MAGI1: variants seen among roughly 807,000 people sequenced by gnomAD.
The protein encoded by MAGI1 is membrane-associated guanylate kinase, WW and PDZ domain-containing protein 1.
Under a neutral mutation model 139.9 loss-of-function variants are expected in MAGI1, and 58 were observed. The ratio of observed to expected loss-of-function variants is 0.41; its 90% CI spans 0.34 to 0.52. The LOEUF (loss-of-function observed/expected upper bound fraction) is 0.52. MAGI1 is among the 20% of genes least tolerant of loss of function. The probability of loss-of-function intolerance (pLI) is 0.12; values close to 1 mark genes in which losing one functional copy is unlikely to be tolerated. For missense variants in MAGI1, 1,874 were observed against 1,901.6 expected, an observed-to-expected ratio of 0.99 and a Z score of 0.27; for synonymous variants, 812 against 737.9, an observed-to-expected ratio of 1.10 and a Z score of -1.63.
chr3:65,843,166 T>C (rs921475770), intron 1 of MAGI1, among the ~76,000 whole-genome samples: 2 of 152,188 alleles, frequency 1.3e-5, no homozygotes, highest in African/African-American at 4.8e-5. Flanking sequence ...GATAATGTTA[T>C]AAAAAGATTG....
At chr3:65,710,644 T>G (rs1176456124) in intron 1 of MAGI1, among the ~76,000 whole-genome samples, 1 of 152,166 alleles carries the variant, frequency 6.6e-6, no homozygotes, top group Non-Finnish European at 1.5e-5. Context: ...CTCTTGAAGC[T>G]CATATACCCT....
intron 1 of MAGI1, among the ~76,000 whole-genome samples, chr3:65,951,638 T>G (rs1041004828): frequency 5.9e-5 from 9 of 152,214 alleles, no homozygotes; most frequent in African/African-American, 1.7e-4. Context: ...TTACTCTTTT[T>G]AAAGTAGCTA....
At chr3:65,834,870 G>A (rs1476259487) in intron 1 of MAGI1, among the ~76,000 whole-genome samples, 2 of 152,162 alleles carry the variant, frequency 1.3e-5, no homozygotes, top group Non-Finnish European at 2.9e-5. Context: ...TTGCTATGAA[G>A]TCTACTTTAT....
rs1205887042 is a variant in MAGI1 at position 65,399,200 on chromosome 3, T to C, written c.2199+2239A>G. Among the ~76,000 whole-genome samples, 3 of 152,204 alleles carry C rather than the reference T, an allele frequency of 2.0e-5. No individual in the cohort carries two copies. The East Asian group carries it at 5.8e-4, about 29-fold the overall frequency. On this transcript the variant is annotated intron_variant, in intron 13 of 22. Transcript: ENST00000402939. Reference sequence around the variant, plus strand: ...GGTACAATCAGTGTGCTTTTAATTATGCATCCTGCATAATTGACCTTATGT... The same window carrying C: ...GGTACAATCAGTGTGCTTTTAATTACGCATCCTGCATAATTGACCTTATGT...
At chr3:65,577,092 T>G (rs2081210738) in intron 2 of MAGI1, among the ~76,000 whole-genome samples, 2 of 152,240 alleles carry the variant, frequency 1.3e-5, no homozygotes, top group Admixed American at 6.5e-5. Flanking sequence ...CTCAGCTACT[T>G]GAAGACAGTC....
intron 1 of MAGI1, among the ~76,000 whole-genome samples, chr3:65,860,971 T>C (rs1314919854): frequency 6.6e-6 from 1 of 152,220 alleles, no homozygotes. Flanking sequence ...CCATTACTTC[T>C]AGGGTAACAG....
intron 1 of MAGI1, among the ~76,000 whole-genome samples, chr3:65,915,169 C>G (rs1265182553): frequency 1.3e-5 from 2 of 152,160 alleles, no homozygotes; most frequent in Non-Finnish European, 2.9e-5. Flanking sequence ...TCTTGCCACA[C>G]AGAGGTCATG....
chr3:65,496,808 A>G (rs1952490987), intron 2 of MAGI1, among the ~76,000 whole-genome samples: 1 of 152,230 alleles, frequency 6.6e-6, no homozygotes, highest in African/African-American at 2.4e-5. Context: ...GTATCCTAGC[A>G]CTTAAAATAA....
rs2069060597 is a variant in MAGI1 at position 66,038,453 on chromosome 3, C to T, written c.-145G>A. 1.7e-6 allele frequency: 2 copies of T among 1,152,860 alleles called. No individual in the cohort carries two copies. Among genetic ancestry groups the T allele is most frequent in the Admixed American group, 3.2e-5 (1 of 31,082 alleles). The allele number at this position is 1,152,860 out of a possible 1,614,324, so 71.4% of individuals were successfully genotyped here. On this transcript the variant is annotated 5_prime_UTR_variant, in exon 1 of 23. Coordinates refer to ENST00000402939, the MANE Select transcript of MAGI1 (RefSeq NM_001033057.2). ...AGAGAGAAACTTGGCAGCCTCGCTC[C>T]CCTGCACACGCTCGCGCACTCAAGC...
chr3:65,677,741 A>G (rs2087289273), intron 1 of MAGI1, among the ~76,000 whole-genome samples: 1 of 152,232 alleles, frequency 6.6e-6, no homozygotes, highest in African/African-American at 2.4e-5. Flanking sequence ...CAAACTCTTC[A>G]TATGCCAAAA....
At position 65,668,867 on chromosome 3, in the gene MAGI1, C is replaced by T. The variant is rs548051503; in HGVS notation, c.314-46779G>A. Among the ~76,000 whole-genome samples the T allele has an allele frequency of 1.3e-4, 20 of 152,156 alleles. No homozygotes were observed. In the South Asian group the frequency reaches 3.9e-3, roughly 30 times the overall value. ...GTGCCCAGCCGCCATTTAGTCCATT[C>T]TTAAAGAACTGAAGGTCCTGGGAAT... is the stretch of plus-strand genomic sequence containing the variant. On this transcript the variant is annotated intron_variant, in intron 1 of 22. Transcript: ENST00000402939.
At chr3:65,861,890 G>A (rs2059568274) in intron 1 of MAGI1, among the ~76,000 whole-genome samples, 1 of 152,196 alleles carries the variant, frequency 6.6e-6, no homozygotes. Flanking sequence ...TAGCAGGCAT[G>A]TGCAGTCCAC....
At chr3:65,432,077 G>A (rs1429603101) in intron 10 of MAGI1, among the ~76,000 whole-genome samples, 7 of 152,122 alleles carry the variant, frequency 4.6e-5, no homozygotes, top group African/African-American at 1.7e-4. Context: ...GTTTTATTGA[G>A]TTTTCTTGAT....
chr3:65,375,345 C>T (rs912759054), intron 18 of MAGI1, among the ~76,000 whole-genome samples: 2 of 152,090 alleles, frequency 1.3e-5, no homozygotes, highest in Non-Finnish European at 1.5e-5. Flanking sequence ...CCCGCCACCG[C>T]GCCCGGCTAA....
At chr3:65,734,111 A>T (rs1247757177) in intron 1 of MAGI1, among the ~76,000 whole-genome samples, 1 of 152,162 alleles carries the variant, frequency 6.6e-6, no homozygotes, top group African/African-American at 2.4e-5. Flanking sequence ...GGGTTTGGAG[A>T]ACAGATATAG....
chr3:65,710,609 T>G (rs541083069), intron 1 of MAGI1, among the ~76,000 whole-genome samples: 17 of 152,232 alleles, frequency 1.1e-4, no homozygotes, highest in African/African-American at 4.1e-4. Context: ...CTAAGAAGTT[T>G]CTAGATTTGA....
intron 1 of MAGI1, among the ~76,000 whole-genome samples, chr3:65,803,253 T>A (rs1278180897): frequency 6.6e-6 from 1 of 152,134 alleles, no homozygotes. Flanking sequence ...CAGGTGACAA[T>A]TTAACACTGT....
chr3:65,833,388 G>C (rs62244042), intron 1 of MAGI1, among the ~76,000 whole-genome samples: 71,708 of 151,786 alleles, frequency 0.47, 18,414 homozygotes, highest in East Asian at 0.76. Context: ...CAAAGTGCTG[G>C]GATTACAGGT....
intron 22 of MAGI1, chr3:65,360,468 C>T (rs1940725273): frequency 1.0e-6 from 1 of 984,134 alleles, no homozygotes; most frequent in Non-Finnish European, 1.2e-6. Context: ...TTGCTGTCTA[C>T]TCAAATCAAG....
Sources: allele counts gnomAD v4.1 joint callset (sites outside exome capture counted in the v4.1 genomes callset), GRCh38; gene constraint gnomAD v4.1.1; transcripts MANE v1.5; gene names NCBI Gene and HGNC (gene_info 2026-07-23, HGNC 2026-07-21).